Variants in RALY observed in about 807,000 individuals in gnomAD.
The protein encoded by RALY is RALY heterogeneous nuclear ribonucleoprotein, also known as RNA-binding protein Raly.
Under a neutral mutation model 30.7 loss-of-function variants are expected in RALY, and 15 were observed. The ratio of observed to expected loss-of-function variants is 0.49; its 90% CI spans 0.33 to 0.75. The LOEUF (loss-of-function observed/expected upper bound fraction) is 0.75. RALY is among the 30% of genes least tolerant of loss of function. RALY has a pLI of 0.02. For missense variants in RALY, 339 were observed against 414.3 expected (o/e 0.82, Z 1.58); for synonymous variants, 177 against 170.8 (o/e 1.04, Z -0.28).
intron 1 of RALY, among the ~76,000 whole-genome samples, chr20:33,994,710 C>T (rs944389488): frequency 6.6e-6 from 1 of 152,012 alleles, no homozygotes; most frequent in Non-Finnish European, 1.5e-5. Context: ...CACTCAGCCT[C>T]CTTGGCGGCC....
At chr20:34,027,187 T>C (rs1362271438) in intron 1 of RALY, among the ~76,000 whole-genome samples, 1 of 152,216 alleles carries the variant, frequency 6.6e-6, no homozygotes, top group Non-Finnish European at 1.5e-5. Context: ...TTCTTTCATG[T>C]TGCTGTGTAA....
chr20:34,065,997 A>G (rs2033558423), intron 2 of RALY, among the ~76,000 whole-genome samples: 1 of 152,094 alleles, frequency 6.6e-6, no homozygotes, highest in Non-Finnish European at 1.5e-5. Flanking sequence ...ACTTGATCTG[A>G]TAGGATTTGG....
intron 1 of RALY, among the ~76,000 whole-genome samples, chr20:33,998,301 G>A (rs1238771209): frequency 6.6e-6 from 1 of 152,174 alleles, no homozygotes; most frequent in Non-Finnish European, 1.5e-5. Flanking sequence ...TTTTTAGGAG[G>A]AGAAGTTGGT....
At chr20:34,002,410 T>C (rs1360006436) in intron 1 of RALY, among the ~76,000 whole-genome samples, 1 of 152,220 alleles carries the variant, frequency 6.6e-6, no homozygotes, top group Non-Finnish European at 1.5e-5. Flanking sequence ...GTTCTTCTTA[T>C]GGAAAACATA....
chr20:34,064,628 A>AC (rs2033516283), intron 2 of RALY, among the ~76,000 whole-genome samples: 1 of 152,066 alleles, frequency 6.6e-6, no homozygotes, highest in East Asian at 1.9e-4. Flanking sequence ...CCTACTCCCT[A>AC]CCCCCAACTC....
At chr20:34,017,334 C>T (rs1316477024) in intron 1 of RALY, 1 of 152,206 alleles carries the variant, frequency 6.6e-6, no homozygotes, top group Admixed American at 6.5e-5. Context: ...AGCATAATCT[C>T]TATTGTACTA....
At position 34,025,397 on chromosome 20, in the gene RALY, G is replaced by C. The variant is rs563975499; in HGVS notation, c.-92-6125G>C. Among the ~76,000 whole-genome samples, 48 of 151,900 alleles carry C rather than the reference G, an allele frequency of 3.2e-4. No homozygotes were observed. In the South Asian group the frequency reaches 5.4e-3, roughly 17 times the overall value. On this transcript the variant is annotated intron_variant, in intron 1 of 9. Transcript: ENST00000246194. ...GCTCACTGCATCCTCCGCTGCCCGG[G>C]TTCAAGTTTTTCTGCCTCAGCCTCT...
intron 1 of RALY, among the ~76,000 whole-genome samples, chr20:34,014,139 T>C (rs981447134): frequency 1.3e-5 from 2 of 152,186 alleles, no homozygotes; most frequent in Non-Finnish European, 2.9e-5. Context: ...TCAGAACACA[T>C]GAGTAGCCCG....
At chr20:34,057,666 CAAAAAAAA>C (rs548450019) in intron 2 of RALY, among the ~76,000 whole-genome samples, 2 of 67,368 alleles carry the variant, frequency 3.0e-5, no homozygotes, top group South Asian at 9.6e-4. Context: ...GACTCCGTCT[CAAAAAAAA>C]AAAAAAAAAA....
At chr20:34,065,136 A>T (rs1290591030) in intron 2 of RALY, 1 of 152,222 alleles carries the variant, frequency 6.6e-6, no homozygotes, top group Non-Finnish European at 1.5e-5. Context: ...AGCACAGAGG[A>T]GGACACTCAA....
intron 2 of RALY, among the ~76,000 whole-genome samples, chr20:34,039,915 G>A (rs886704527): frequency 6.6e-6 from 1 of 152,074 alleles, no homozygotes; most frequent in African/African-American, 2.4e-5. Flanking sequence ...GATTGAGACC[G>A]TCCTGGCCAA....
chr20:34,050,518 T>C (rs2033041196), intron 2 of RALY, among the ~76,000 whole-genome samples: 1 of 152,188 alleles, frequency 6.6e-6, no homozygotes, highest in African/African-American at 2.4e-5. Flanking sequence ...GCAATGTGGG[T>C]TATGAGGATG....
intron 5 of RALY, among the ~76,000 whole-genome samples, 160 bp downstream of exon 5, chr20:34,074,026 C>T (rs1327046542): frequency 6.6e-6 from 1 of 152,204 alleles, no homozygotes; most frequent in African/African-American, 2.4e-5. Context: ...GACTGGGGTC[C>T]TGTGCTGCAG....
At chr20:34,066,043 G>A (rs2033560013) in intron 2 of RALY, among the ~76,000 whole-genome samples, 1 of 152,014 alleles carries the variant, frequency 6.6e-6, no homozygotes, top group Non-Finnish European at 1.5e-5. Context: ...GTTTTAGAGT[G>A]TTAAGACAGC....
chr20:34,021,388 C>T (rs371431077), intron 1 of RALY, among the ~76,000 whole-genome samples: 2 of 152,140 alleles, frequency 1.3e-5, no homozygotes, highest in African/African-American at 2.4e-5. Context: ...ATCAAGGGGC[C>T]GCCCGCATCT....
chr20:34,001,957 C>T (rs947035580), intron 1 of RALY, among the ~76,000 whole-genome samples: 5 of 152,092 alleles, frequency 3.3e-5, no homozygotes, highest in South Asian at 4.1e-4. Flanking sequence ...TTAGTAGAGA[C>T]GGGGTTTCAC....
chr20:34,046,961 A>G lies in RALY; in HGVS notation c.-10+15357A>G, dbSNP rs559010108. Among the ~76,000 whole-genome samples, 7 of 151,998 alleles carry G rather than the reference A, an allele frequency of 4.6e-5. No individual in the cohort carries two copies. The South Asian group carries it at 1.2e-3, about 27-fold the overall frequency. On this transcript the variant is annotated intron_variant, in intron 2 of 9. Transcript: ENST00000246194. ...CAGCCTCCTGAGTAGCTGGGATTAT[A>G]GGCATGTGCCACCATGCCTGACTAA...
chr20:34,037,562 G>T (rs1391474193), intron 2 of RALY, among the ~76,000 whole-genome samples: 1 of 152,162 alleles, frequency 6.6e-6, no homozygotes, highest in African/African-American at 2.4e-5. Context: ...GATAGGAGGG[G>T]CTCTGAGCAA....
In RALY at chr20:34,011,175, T is replaced by G. The variant is rs570612109; in HGVS notation, c.-93+17044T>G. Among the ~76,000 whole-genome samples the G allele has an allele frequency of 7.9e-5, 12 of 152,328 alleles. No homozygotes were observed. In the South Asian group the frequency reaches 2.5e-3, roughly 32 times the overall value. On this transcript the variant is annotated intron_variant, in intron 1 of 9. Coordinates refer to ENST00000246194, the MANE Select transcript of RALY (RefSeq NM_016732.3). ...AAATATTATAACTGGTAATTTAAAG[T>G]TTGCTTTTAACTTTAAATATTTTTA...
Sources: gnomAD v4.1 joint callset for allele counts (sites outside exome capture counted in the v4.1 genomes callset) on GRCh38, gnomAD v4.1.1 for gene constraint, MANE v1.5 for transcripts, NCBI Gene and HGNC (gene_info 2026-07-23, HGNC 2026-07-21) for gene names.